Variants in PLCXD1 observed in about 807,000 individuals in gnomAD.
PLCXD1 encodes the protein PI-PLC X domain-containing protein 1.
A neutral mutation model predicts 37.8 loss-of-function variants in PLCXD1; 45 were observed. That is an observed-to-expected ratio of 1.19 (90% CI 0.94 to 1.53). PLCXD1 has a LOEUF of 1.53. PLCXD1 is among the 40% of genes most tolerant of loss of function. PLCXD1 has a pLI of 0.00. For missense variants in PLCXD1, 539 were observed against 454.7 expected (o/e 1.19, Z -1.69); for synonymous variants, 246 against 206.9 (o/e 1.19, Z -1.62).
chrX:287,937 A>T (rs1419426741), intron 2 of PLCXD1, among the ~76,000 whole-genome samples: 4 of 151,972 alleles, frequency 2.6e-5, no homozygotes, highest in African/African-American at 9.7e-5. Flanking sequence ...AGTTCTAGAT[A>T]CAGAAATCTG....
At chrX:289,559 G>A (rs994178037) in intron 3 of PLCXD1, among the ~76,000 whole-genome samples, 3 of 144,776 alleles carry the variant, frequency 2.1e-5, no homozygotes, top group African/African-American at 5.2e-5. Flanking sequence ...CGCCCAGGCT[G>A]GAGTGCAGTT....
In PLCXD1 at chrX:293,182, C is replaced by T. The variant is rs750805878; in HGVS notation, c.697C>T (p.Arg233Ter). Residue 233 changes from arginine to a stop codon, truncating the protein, a stop_gained, in exon 6 of 7, where the codon CGA becomes TGA. Transcript: ENST00000381657. LOFTEE classifies it high-confidence loss of function. ...GNRVKTEALIRYLETMKSCGR... is the reference protein window; with the variant it reads ...GNRVKTEALI The stretch of plus-strand genomic sequence containing the variant: ...CAGGGTGAAGACCGAGGCCCTCATC[C>T]GATACCTGGAGACCATGAAGAGCTG... 67 of 1,612,462 alleles carry T rather than the reference C, an allele frequency of 4.2e-5. No homozygotes were observed. The highest frequency in any genetic ancestry group is 2.6e-4 in the South Asian group (24 of 91,020).
intron 6 of PLCXD1, among the ~76,000 whole-genome samples, chrX:294,346 G>C (rs1277893155): frequency 1.3e-5 from 2 of 152,170 alleles, no homozygotes; most frequent in African/African-American, 2.4e-5. Context: ...GCCGGGCGTG[G>C]TGGCGGGCGC....
chrX:288,754 A>G lies in PLCXD1; in HGVS notation c.149A>G (p.Tyr50Cys). 6.2e-7 allele frequency: 1 copy of G among 1,613,896 alleles called. No homozygotes were observed. The highest frequency in any genetic ancestry group is 8.5e-7 in the Non-Finnish European group (1 of 1,179,800). ...SIPGSHDTMT[Y>C]CLNKKSPISH... ...TCAGGGAGCCACGACACGATGACGT[A>G]CTGCCTGAACAAGAAGTCCCCCATT... The change falls in exon 3 of 7, where the codon TAC becomes TGC. Residue 50 changes from tyrosine (Y) to cysteine (C), a missense_variant. Coordinates refer to ENST00000381657, the MANE Select transcript of PLCXD1 (RefSeq NM_018390.4).
intron 2 of PLCXD1, among the ~76,000 whole-genome samples, chrX:286,698 C>A (rs754755678): frequency 6.6e-6 from 1 of 152,220 alleles, no homozygotes; most frequent in South Asian, 2.1e-4. Flanking sequence ...CTTTTTCATA[C>A]AACGTCTGGC....
rs1247199899 is a variant in PLCXD1, at chrX:299,402, C to T, written c.*67C>T. Reference sequence around the variant, plus strand: ...ACCCCCGAATTTCCAAGTATTGTGACTTTGTTTGGGCCAAATGTTGGTGAT... The same window carrying T: ...ACCCCCGAATTTCCAAGTATTGTGATTTTGTTTGGGCCAAATGTTGGTGAT... On this transcript the variant is annotated 3_prime_UTR_variant, in exon 7 of 7. Transcript: ENST00000381657. 6 of 1,153,830 alleles carry T rather than the reference C, an allele frequency of 5.2e-6. No homozygotes were observed. Among genetic ancestry groups the T allele is most frequent in the South Asian group, 3.7e-5 (3 of 81,576 alleles). 71.5% of individuals were successfully genotyped at this position (1,153,830 alleles called of 1,614,324 possible).
chrX:289,744 C>T (rs944410873), intron 3 of PLCXD1, among the ~76,000 whole-genome samples: 1 of 151,602 alleles, frequency 6.6e-6, no homozygotes, highest in African/African-American at 2.4e-5. Flanking sequence ...AACTCCTGAC[C>T]TCGTGATCCA....
At chrX:278,821 C>T (rs1374622313), upstream of PLCXD1, among the ~76,000 whole-genome samples, 2 of 151,728 alleles carry the variant, frequency 1.3e-5, no homozygotes, top group African/African-American at 2.4e-5. Flanking sequence ...ACGACCTGTG[C>T]CCTAGGTGGT....
At chrX:292,037 C>T (rs1213993930) in intron 5 of PLCXD1, among the ~76,000 whole-genome samples, 4 of 151,520 alleles carry the variant, frequency 2.6e-5, no homozygotes, top group Non-Finnish European at 5.9e-5. Context: ...TGTGGTGGCT[C>T]ACGCTTGTCA....
At position 291,488 on chromosome X, in the gene PLCXD1, C is replaced by T; in HGVS notation, c.394-11C>T. ...GTCGTGCAGGACTCAGCCCAGCACC[C>T]CCCTCCCCAGGACACACTCACGGAA... is the stretch of plus-strand genomic sequence containing the variant. On this transcript the variant is annotated splice_polypyrimidine_tract_variant and intron_variant, in intron 4 of 6. Coordinates refer to ENST00000381657, the MANE Select transcript of PLCXD1 (RefSeq NM_018390.4). 1 of 1,612,178 alleles carries T rather than the reference C, an allele frequency of 6.2e-7. No individual in the cohort carries two copies. Among genetic ancestry groups the T allele is most frequent in the Non-Finnish European group, 8.5e-7 (1 of 1,179,786 alleles).
chrX:294,772 C>A (rs188995909), intron 6 of PLCXD1, among the ~76,000 whole-genome samples: 2 of 152,032 alleles, frequency 1.3e-5, no homozygotes, highest in Non-Finnish European at 2.9e-5. Context: ...CCAGTGTACT[C>A]CAGCCTGGGC....
At chrX:283,561 G>A (rs1182383741) in intron 1 of PLCXD1, 2 of 145,686 alleles carry the variant, frequency 1.4e-5, no homozygotes, top group East Asian at 4.2e-4. Flanking sequence ...GGTGGGGGCG[G>A]CCTTGGTGTC....
intron 6 of PLCXD1, among the ~76,000 whole-genome samples, chrX:295,278 G>T (rs180815977): frequency 1.3e-5 from 2 of 152,036 alleles, no homozygotes; most frequent in African/African-American, 4.8e-5. Flanking sequence ...CCACGGCCCC[G>T]TGTCCTCCGG....
At chrX:293,001 C>CT in intron 5 of PLCXD1, 34 bp from the exon 6 acceptor site, 1 of 1,518,676 alleles carries the variant, frequency 6.6e-7, no homozygotes, top group South Asian at 1.2e-5. Flanking sequence ...GCTCTCCTCT[C>CT]TCCCCTGCAC....
At chrX:286,136 C>T (rs2069445843) in intron 2 of PLCXD1, among the ~76,000 whole-genome samples, 1 of 151,938 alleles carries the variant, frequency 6.6e-6, no homozygotes, top group Non-Finnish European at 1.5e-5. Flanking sequence ...TCCACCTCAG[C>T]TCATCGCAAC....
chrX:290,614 G>T (rs1338188932), intron 3 of PLCXD1, 34 bp from the exon 4 acceptor site: 1 of 1,612,076 alleles, frequency 6.2e-7, no homozygotes, highest in Admixed American at 1.7e-5. Flanking sequence ...GCGGCGCTCA[G>T]CCAGGCAGAC....
At chrX:277,054 G>C (rs2069170711), upstream of PLCXD1, among the ~76,000 whole-genome samples, 1 of 152,192 alleles carries the variant, frequency 6.6e-6, no homozygotes, top group Non-Finnish European at 1.5e-5. Context: ...CCCCCAGGAA[G>C]GGTCAGTGCT....
Position 290,691 on chromosome X carries a change from T to G in PLCXD1, c.308T>G (p.Leu103Arg). 6.2e-7 allele frequency: 1 copy of G among 1,613,690 alleles called. No homozygotes were observed. Among genetic ancestry groups the G allele is most frequent in the Non-Finnish European group, 8.5e-7 (1 of 1,179,694 alleles). The change falls in exon 4 of 7, where the codon CTG (leucine) becomes CGG (arginine). Residue 103 changes from leucine to arginine, a missense_variant. Leu to Arg is a moderately radical substitution (Grantham distance 102). Transcript: ENST00000381657. Reference sequence around the variant, plus strand: ...CAGCTGGATGCCGGGGTGCGGTACCTGGACCTGCGGATAGCCCACATGCTG... The same window carrying G: ...CAGCTGGATGCCGGGGTGCGGTACCGGGACCTGCGGATAGCCCACATGCTG... Reference protein sequence around the residue: ...TEQLDAGVRYLDLRIAHMLEG... With the variant: ...TEQLDAGVRYRDLRIAHMLEG...
At chrX:285,868 A>C (rs1461277812) in intron 2 of PLCXD1, among the ~76,000 whole-genome samples, 3 of 152,148 alleles carry the variant, frequency 2.0e-5, no homozygotes, top group Non-Finnish European at 2.9e-5. Flanking sequence ...AAACCCTCCA[A>C]CTCGCCTTAG....
Sources: gnomAD v4.1 joint callset for allele counts (sites outside exome capture counted in the v4.1 genomes callset) on GRCh38, gnomAD v4.1.1 for gene constraint, MANE v1.5 for transcripts, NCBI Gene and HGNC (gene_info 2026-07-23, HGNC 2026-07-21) for gene names.